Variants in MAN1A1 observed in about 807,000 individuals in gnomAD.
MAN1A1 encodes mannosidase alpha class 1A member 1, also known as mannosyl-oligosaccharide 1,2-alpha-mannosidase IA.
Under a neutral mutation model 70.8 loss-of-function variants are expected in MAN1A1, and 29 were observed. The ratio of observed to expected loss-of-function variants is 0.41; its 90% CI spans 0.31 to 0.56. The LOEUF (loss-of-function observed/expected upper bound fraction) is 0.56, where lower values mean the gene tolerates loss of function less well. Among genes scored for constraint, MAN1A1 ranks in the 20% least tolerant of loss-of-function variants. The pLI is 0.29. For synonymous variants in MAN1A1, 349 were observed against 330.1 expected (o/e 1.06, Z -0.62); for missense variants, 747 against 841.3 (o/e 0.89, Z 1.39).
chr6:119,286,650 G>A (rs552661472), intron 5 of MAN1A1, among the ~76,000 whole-genome samples: 17 of 152,050 alleles, frequency 1.1e-4, no homozygotes, highest in South Asian at 4.2e-4. Context: ...GATGTCTTCC[G>A]CATCTTTTTT....
chr6:119,221,654 T>C (rs1774364597), intron 6 of MAN1A1, among the ~76,000 whole-genome samples: 2 of 152,068 alleles, frequency 1.3e-5, no homozygotes. Context: ...GGTTTCACCA[T>C]GTTGGCCAGG....
chr6:119,242,753 T>C (rs1314338741), intron 6 of MAN1A1, among the ~76,000 whole-genome samples: 1 of 152,178 alleles, frequency 6.6e-6, no homozygotes, highest in African/African-American at 2.4e-5. Flanking sequence ...TGCTATTATT[T>C]TAGTTTTACT....
intron 2 of MAN1A1, among the ~76,000 whole-genome samples, chr6:119,339,135 T>TCAC (rs1773539223): frequency 6.6e-6 from 1 of 152,222 alleles, no homozygotes; most frequent in African/African-American, 2.4e-5. Context: ...TACTGCTTCA[T>TCAC]CACTTATGAA....
chr6:119,226,017 C>G (rs1233871377), intron 6 of MAN1A1, among the ~76,000 whole-genome samples: 3 of 152,142 alleles, frequency 2.0e-5, no homozygotes, highest in African/African-American at 7.2e-5. Context: ...ATCCATGCAT[C>G]TATCTGAATT....
Position 119,241,898 on chromosome 6 carries a change from A to ATGTG in MAN1A1, c.992+6358_992+6361dup, listed in dbSNP as rs59230995. Among the ~76,000 whole-genome samples, 10 of 149,578 alleles carry ATGTG rather than the reference A, an allele frequency of 6.7e-5. No individual in the cohort carries two copies. In the South Asian group the frequency reaches 1.7e-3, roughly 26 times the overall value. The stretch of plus-strand genomic sequence containing the variant: ...AGGGAAAGATGAAGGCAGCAATTAT[A>ATGTG]TGTGTGTGTGTGTGTGTGTGTGTGT... On this transcript the variant is annotated intron_variant, in intron 6 of 12. Transcript: ENST00000368468.
chr6:119,227,309 G>T (rs145021902), intron 6 of MAN1A1, among the ~76,000 whole-genome samples: 5 of 152,214 alleles, frequency 3.3e-5, no homozygotes, highest in Admixed American at 2.6e-4. Flanking sequence ...GGAAAGTTTT[G>T]TGAGTAACGA....
At chr6:119,339,650 G>A (rs576533569) in intron 2 of MAN1A1, among the ~76,000 whole-genome samples, 1 of 151,848 alleles carries the variant, frequency 6.6e-6, no homozygotes, top group South Asian at 2.1e-4. Context: ...TTCCCAAGCA[G>A]ACATGAGTTT....
chr6:119,336,907 A>C (rs1402835064), intron 2 of MAN1A1, among the ~76,000 whole-genome samples: 1 of 152,206 alleles, frequency 6.6e-6, no homozygotes, highest in African/African-American at 2.4e-5. Context: ...ATTCTAGGTA[A>C]TAAAGAAAAT....
At chr6:119,317,549 T>G (rs1772887869) in intron 2 of MAN1A1, among the ~76,000 whole-genome samples, 1 of 152,230 alleles carries the variant, frequency 6.6e-6, no homozygotes, top group Admixed American at 6.5e-5. Flanking sequence ...GCCCTTTTAT[T>G]GCTTGATGGC....
chr6:119,292,162 C>T (rs1386297232), intron 4 of MAN1A1, among the ~76,000 whole-genome samples: 1 of 151,952 alleles, frequency 6.6e-6, no homozygotes, highest in Non-Finnish European at 1.5e-5. Context: ...ATATTTTATA[C>T]TTGATTAGTA....
intron 5 of MAN1A1, among the ~76,000 whole-genome samples, chr6:119,261,699 A>G (rs1327503072): frequency 1.3e-5 from 2 of 152,218 alleles, no homozygotes; most frequent in South Asian, 2.1e-4. Flanking sequence ...ACAAAACTGT[A>G]AAGAAAGTTC....
At chr6:119,318,998 T>C (rs930197414) in intron 2 of MAN1A1, among the ~76,000 whole-genome samples, 8 of 152,204 alleles carry the variant, frequency 5.3e-5, no homozygotes, top group African/African-American at 1.9e-4. Flanking sequence ...TGCCACTAAA[T>C]GGCAATATCA....
intron 2 of MAN1A1, among the ~76,000 whole-genome samples, chr6:119,314,508 T>G (rs1772798328): frequency 6.6e-6 from 1 of 152,154 alleles, no homozygotes; most frequent in African/African-American, 2.4e-5. Flanking sequence ...ATTATCCCTG[T>G]TTTACATATG....
intron 2 of MAN1A1, among the ~76,000 whole-genome samples, chr6:119,318,927 T>C (rs1772926500): frequency 6.6e-6 from 1 of 152,218 alleles, no homozygotes. Context: ...CATTTTGTGT[T>C]ACTGAAAAGA....
intron 2 of MAN1A1, among the ~76,000 whole-genome samples, chr6:119,317,178 C>A (rs896198811): frequency 4.6e-5 from 7 of 152,098 alleles, no homozygotes; most frequent in African/African-American, 1.7e-4. Context: ...ACAACCTCCT[C>A]ACTATCAACA....
intron 5 of MAN1A1, among the ~76,000 whole-genome samples, chr6:119,280,266 C>T (rs1210864615): frequency 6.6e-6 from 1 of 152,218 alleles, no homozygotes; most frequent in Non-Finnish European, 1.5e-5. Flanking sequence ...TACTCAGTAG[C>T]TGGGAGCCAG....
intron 5 of MAN1A1, among the ~76,000 whole-genome samples, chr6:119,290,450 C>A (rs1776503932): frequency 6.6e-6 from 1 of 151,914 alleles, no homozygotes; most frequent in African/African-American, 2.4e-5. Flanking sequence ...CATAATAGAG[C>A]CAGTTTCTAA....
At chr6:119,308,781 A>G (rs2114453730) in intron 2 of MAN1A1, among the ~76,000 whole-genome samples, 1 of 152,322 alleles carries the variant, frequency 6.6e-6, no homozygotes, top group Middle Eastern at 3.4e-3. Flanking sequence ...ACATTTAGTA[A>G]ATTCTTCATT....
chr6:119,240,167 C>G (rs1488640168), intron 6 of MAN1A1, among the ~76,000 whole-genome samples: 3 of 152,116 alleles, frequency 2.0e-5, no homozygotes, highest in East Asian at 1.9e-4. Context: ...TGAGGAAGCC[C>G]TCTTAACAGA....
Sources: gnomAD v4.1 joint callset for allele counts (sites outside exome capture counted in the v4.1 genomes callset) on GRCh38, gnomAD v4.1.1 for gene constraint, MANE v1.5 for transcripts, NCBI Gene and HGNC (gene_info 2026-07-23, HGNC 2026-07-21) for gene names.